TDRD5: variants seen among roughly 807,000 people sequenced by gnomAD.
The protein encoded by TDRD5 is tudor domain-containing protein 5.
Under a neutral mutation model 120.6 loss-of-function variants are expected in TDRD5, and 41 were observed. The ratio of observed to expected loss-of-function variants is 0.34; its 90% CI spans 0.26 to 0.44. TDRD5 has a LOEUF of 0.44. Among genes scored for constraint, TDRD5 ranks in the 20% least tolerant of loss-of-function variants. The pLI is 1.00. For synonymous variants in TDRD5, 430 were observed against 433.7 expected (o/e 0.99, Z 0.11); for missense variants, 1,006 against 1,221.2 (o/e 0.82, Z 2.63).
intron 7 of TDRD5, among the ~76,000 whole-genome samples, chr1:179,634,123 A>G (rs1299077531): frequency 6.6e-6 from 1 of 151,098 alleles, no homozygotes; most frequent in Admixed American, 6.6e-5. Flanking sequence ...GTGAGCCGAG[A>G]TCGCACCACT....
Position 179,663,341 on chromosome 1 carries a change from A to G in TDRD5, c.2506-7A>G, listed in dbSNP as rs759205982. ...CTCAGTCTGTTGTTGCCATTTTTTC[A>G]TTATAGGACTGGTGTTTTTCTACCC... On this transcript the variant is annotated splice_polypyrimidine_tract_variant and splice_region_variant and intron_variant, in intron 15 of 17. Coordinates refer to ENST00000444136, the MANE Select transcript of TDRD5 (RefSeq NM_001199085.3). 1.2e-5 allele frequency: 19 copies of G among 1,593,388 alleles called. No individual in the cohort carries two copies. Among genetic ancestry groups the G allele is most frequent in the Admixed American group, 1.1e-4 (6 of 54,548 alleles).
intron 11 of TDRD5, among the ~76,000 whole-genome samples, chr1:179,643,341 A>G (rs1487578331): frequency 6.6e-6 from 1 of 152,220 alleles, no homozygotes; most frequent in African/African-American, 2.4e-5. Context: ...AAAAAACAGG[A>G]AAATGTGACA....
chr1:179,634,279 C>A (rs1424055667), intron 7 of TDRD5, among the ~76,000 whole-genome samples, 178 bp from the exon 8 acceptor site: 1 of 152,098 alleles, frequency 6.6e-6, no homozygotes, highest in Non-Finnish European at 1.5e-5. Context: ...TTATATTTTG[C>A]CACACTGAAA....
intron 7 of TDRD5, among the ~76,000 whole-genome samples, chr1:179,631,424 C>G (rs1408997011): frequency 6.6e-6 from 1 of 152,032 alleles, no homozygotes; most frequent in Admixed American, 6.6e-5. Flanking sequence ...TCTTCATTGT[C>G]TAGATTTTTG....
At chr1:179,604,232 TC>T (rs1006476666) in intron 4 of TDRD5, among the ~76,000 whole-genome samples, 2 of 152,182 alleles carry the variant, frequency 1.3e-5, no homozygotes, top group Non-Finnish European at 2.9e-5. Flanking sequence ...ATCTCCTGTT[TC>T]ATTTCTTGAT....
chr1:179,592,515 C>T (rs140092121), intron 1 of TDRD5, 87 bp from the exon 2 acceptor site: 9 of 1,060,568 alleles, frequency 8.5e-6, no homozygotes, highest in Admixed American at 4.1e-5. Flanking sequence ...ACTGGAGTCT[C>T]AGTTATTTGT....
chr1:179,618,152 A>G (rs1268032947), intron 4 of TDRD5, among the ~76,000 whole-genome samples: 2 of 152,118 alleles, frequency 1.3e-5, no homozygotes, highest in Admixed American at 6.6e-5. Context: ...TTCTATTACA[A>G]CAGAAAAACT....
At position 179,615,282 on chromosome 1, in the gene TDRD5, C is replaced by A. The variant is rs895663249; in HGVS notation, c.832-3317C>A. 4.6e-5 allele frequency among the ~76,000 whole-genome samples: 7 copies of A among 151,870 alleles called. No individual in the cohort carries two copies. The South Asian group carries it at 1.5e-3, about 31-fold the overall frequency. ...ACAGCACATAGTATGATCTCAATAC[C>A]TATTTGTTGAATGAGTAAGTGGGTA... On this transcript the variant is annotated intron_variant, in intron 4 of 17. Coordinates refer to ENST00000444136, the MANE Select transcript of TDRD5 (RefSeq NM_001199085.3).
chr1:179,601,025 G>GT (rs1414360270), intron 4 of TDRD5, among the ~76,000 whole-genome samples: 1 of 152,020 alleles, frequency 6.6e-6, no homozygotes, highest in Non-Finnish European at 1.5e-5. Flanking sequence ...CTCAGAATAT[G>GT]TTTATCTAGG....
rs370713940 is a variant in TDRD5, at chr1:179,595,621, A to T, written c.641-7A>T. On this transcript the variant is annotated splice_region_variant and splice_polypyrimidine_tract_variant and intron_variant, in intron 3 of 17. Coordinates refer to ENST00000444136, the MANE Select transcript of TDRD5 (RefSeq NM_001199085.3). ...ATTTTTCTTTCTTCTTCTATTACTC[A>T]CAAAAGGTAAAATTTTTACCCAGCC... 12 of 1,546,020 alleles carry T rather than the reference A, an allele frequency of 7.8e-6. No homozygotes were observed. The African/African-American group carries it at 1.4e-4, about 18-fold the overall frequency.
chr1:179,624,585 G>A (rs1677018797), intron 6 of TDRD5, among the ~76,000 whole-genome samples: 1 of 152,174 alleles, frequency 6.6e-6, no homozygotes. Flanking sequence ...TTAGTATACG[G>A]AAATCAATGT....
At chr1:179,607,455 AT>A (rs1676038036) in intron 4 of TDRD5, among the ~76,000 whole-genome samples, 1 of 152,066 alleles carries the variant, frequency 6.6e-6, no homozygotes, top group East Asian at 1.9e-4. Flanking sequence ...CTCCAGCAAG[AT>A]GTTGCAAAGC....
intron 17 of TDRD5, among the ~76,000 whole-genome samples, chr1:179,679,706 CTTTTTCCCCCCATCTAGAGGT>C (rs1483202303): frequency 8.0e-6 from 1 of 125,742 alleles, no homozygotes; most frequent in Non-Finnish European, 1.7e-5. Context: ...TTTGTGCCAT[CTTTTTCCCCCCATCTAGAGGT>C]TTTTCCCCCC....
rs191787461 is a variant in TDRD5, at chr1:179,642,292, G to A, written c.1800+1847G>A. Among the ~76,000 whole-genome samples the A allele has an allele frequency of 2.2e-3, 335 of 151,922 alleles. 5 individuals carry two copies. Among genetic ancestry groups the A allele is most frequent in the African/African-American group, 7.6e-3 (316 of 41,422 alleles). ...ATTTTTTTATTTTTGTAGAGGTGGG[G>A]TTTCACCATGTTGGCCAGGCTGGTC... On this transcript the variant is annotated intron_variant, in intron 11 of 17. Coordinates refer to ENST00000444136, the MANE Select transcript of TDRD5 (RefSeq NM_001199085.3).
intron 14 of TDRD5, among the ~76,000 whole-genome samples, chr1:179,655,721 G>T (rs1318605309): frequency 6.6e-6 from 1 of 152,178 alleles, no homozygotes; most frequent in Non-Finnish European, 1.5e-5. Context: ...AACCTTTGGA[G>T]ACTGGCTTCT....
At chr1:179,651,556 G>GT (rs11399818) in intron 12 of TDRD5, among the ~76,000 whole-genome samples, 65,434 of 152,038 alleles carry the variant, frequency 0.43, 14,212 homozygotes, top group Admixed American at 0.47. Context: ...CTGTTTCACT[G>GT]TATGTTGATA....
chr1:179,626,242 A>G (rs553046155), intron 6 of TDRD5, among the ~76,000 whole-genome samples: 1 of 151,408 alleles, frequency 6.6e-6, no homozygotes, highest in South Asian at 2.1e-4. Flanking sequence ...AAAAAGAAGT[A>G]AACAGCTGAT....
At chr1:179,612,837 G>T (rs1326737025) in intron 4 of TDRD5, among the ~76,000 whole-genome samples, 1 of 151,416 alleles carries the variant, frequency 6.6e-6, no homozygotes, top group Non-Finnish European at 1.5e-5. Flanking sequence ...TCAGGAGGCT[G>T]AGGTAGGAGA....
rs759913888 is a variant in TDRD5 at position 179,609,123 on chromosome 1, A to G, written c.832-9476A>G. On this transcript the variant is annotated intron_variant, in intron 4 of 17. Coordinates refer to ENST00000444136, the MANE Select transcript of TDRD5 (RefSeq NM_001199085.3). The stretch of plus-strand genomic sequence containing the variant: ...CGGGAACACCCTGAGAAAAGGCCAT[A>G]TAAGTACACAGCAAGAAGGTGGCCA... Among the ~76,000 whole-genome samples, 24 of 152,116 alleles carry G rather than the reference A, an allele frequency of 1.6e-4. 1 individual carries two copies. Among genetic ancestry groups the G allele is most frequent in the African/African-American group, 2.7e-4 (11 of 41,428 alleles).
Sources: gnomAD v4.1 joint callset for allele counts (sites outside exome capture counted in the v4.1 genomes callset) on GRCh38, gnomAD v4.1.1 for gene constraint, MANE v1.5 for transcripts, NCBI Gene and HGNC (gene_info 2026-07-23, HGNC 2026-07-21) for gene names.